FIG4: variants seen among roughly 807,000 people sequenced by gnomAD.
FIG4 encodes polyphosphoinositide phosphatase.
FIG4 carries 112 observed loss-of-function variants against 118.6 expected under a neutral mutation model. The observed-to-expected ratio is 0.94, with a 90% CI of 0.81 to 1.11. The LOEUF is 1.11. Ranked by LOEUF, FIG4 falls within the 50% of genes least tolerant of loss-of-function variation. FIG4 has a pLI of 0.00. For missense variants in FIG4, 969 were observed against 1,111.7 expected, an observed-to-expected ratio of 0.87 and a Z score of 1.83; for synonymous variants, 369 against 381.2, an observed-to-expected ratio of 0.97 and a Z score of 0.37.
chr6:109,806,373 C>G (rs1457784547), intron 22 of FIG4, among the ~76,000 whole-genome samples: 1 of 152,088 alleles, frequency 6.6e-6, no homozygotes, highest in Non-Finnish European at 1.5e-5. Context: ...TCCCAAAGCC[C>G]CTCTATAATG....
chr6:109,731,066 G>A (rs944358162), intron 4 of FIG4, among the ~76,000 whole-genome samples: 11 of 152,138 alleles, frequency 7.2e-5, no homozygotes, highest in African/African-American at 2.7e-4. Flanking sequence ...AAAAGGAACA[G>A]GCAGCTCACA....
rs781309177 is a variant in FIG4 at position 109,727,277 on chromosome 6, G to T, written c.446+12G>T. ...CCTGATGAAGCTAGGTATGTATGGT[G>T]GTAACTACCTTTTTTTTTTTGGAGA... On this transcript the variant is annotated intron_variant, in intron 4 of 22. Transcript: ENST00000230124. 1 of 1,554,234 alleles carries T rather than the reference G, an allele frequency of 6.4e-7. No individual in the cohort carries two copies. Among genetic ancestry groups the T allele is most frequent in the South Asian group, 1.1e-5 (1 of 89,300 alleles).
At chr6:109,700,375 C>T (rs983221831) in intron 1 of FIG4, among the ~76,000 whole-genome samples, 1 of 151,754 alleles carries the variant, frequency 6.6e-6, no homozygotes, top group Non-Finnish European at 1.5e-5. Flanking sequence ...AATAAAACAC[C>T]CAATAAAAAG....
chr6:109,774,122 A>G (rs548296637), intron 15 of FIG4, among the ~76,000 whole-genome samples: 83 of 152,264 alleles, frequency 5.5e-4, no homozygotes, highest in African/African-American at 2.0e-3. Flanking sequence ...ATTTTTTTCA[A>G]CTACTAAAGT....
Position 109,789,644 on chromosome 6 carries a change from G to A in FIG4, c.2147G>A (p.Arg716His), listed in dbSNP as rs758496638. ...ATTGATCCAAGTCCATTTACTGTGCGTAAACCAGATGAAACTGGAAAATCA... is the reference window on the plus strand; with the variant it reads ...ATTGATCCAAGTCCATTTACTGTGCATAAACCAGATGAAACTGGAAAATCA... ...VGIDPSPFTV[R>H]KPDETGKSVL... Residue 716 changes from arginine (R) to histidine (H), a missense_variant, in exon 19 of 23, where the codon CGT (arginine) becomes CAT (histidine). Around this residue, in one of 3 missense-constraint regions of FIG4, gnomAD observed 330 missense variants for 348.1 expected, o/e 0.95. Coordinates refer to ENST00000230124, the MANE Select transcript of FIG4 (RefSeq NM_014845.6). The A allele has an allele frequency of 2.2e-5, 36 of 1,613,392 alleles. No homozygotes were observed. In the South Asian group the frequency reaches 2.3e-4, roughly 10 times the overall value.
chr6:109,767,820 C>T (rs965432235), intron 15 of FIG4, among the ~76,000 whole-genome samples: 4 of 151,910 alleles, frequency 2.6e-5, no homozygotes, highest in South Asian at 4.2e-4. Context: ...TGCAGCGAGC[C>T]GAGATCGCGC....
intron 22 of FIG4, among the ~76,000 whole-genome samples, chr6:109,813,220 A>G (rs950146962): frequency 2.0e-4 from 30 of 152,124 alleles, no homozygotes; most frequent in African/African-American, 6.5e-4. Flanking sequence ...CCCACTGCCA[A>G]TCATTTGAGA....
chr6:109,693,864 AT>A (rs747897411), intron 1 of FIG4, among the ~76,000 whole-genome samples: 2,240 of 146,294 alleles, frequency 0.015, 50 homozygotes, highest in African/African-American at 0.05. Flanking sequence ...TTGTTAAATA[AT>A]TTTTTTTTTT....
chr6:109,735,200 G>A lies in FIG4; in HGVS notation c.548G>A (p.Arg183Gln), dbSNP rs781588508. 3.0e-5 allele frequency: 49 copies of A among 1,612,594 alleles called. No individual in the cohort carries two copies. The highest frequency in any genetic ancestry group is 5.5e-5 in the South Asian group (5 of 91,056). ...HSLQYNLTVL[R>Q]MPLEMLKSEM... Reference sequence around the variant, plus strand: ...CTTCAATATAATCTCACTGTCTTGCGAATGCCCCTGGAGATGTTAAAGTCA... The same window carrying A: ...CTTCAATATAATCTCACTGTCTTGCAAATGCCCCTGGAGATGTTAAAGTCA... The change falls in exon 6 of 23, where the codon CGA becomes CAA. Residue 183 changes from arginine to glutamine, a missense_variant. By Grantham distance (43) the Arg-to-Gln change is conservative. Coordinates refer to ENST00000230124, the MANE Select transcript of FIG4 (RefSeq NM_014845.6).
intron 15 of FIG4, among the ~76,000 whole-genome samples, chr6:109,770,325 A>T (rs539200291): frequency 7.9e-5 from 12 of 152,184 alleles, no homozygotes; most frequent in African/African-American, 2.7e-4. Flanking sequence ...ACAGCAGTTA[A>T]TAATAGATCT....
At chr6:109,712,610 A>G (rs773992760) in intron 1 of FIG4, among the ~76,000 whole-genome samples, 1 of 152,188 alleles carries the variant, frequency 6.6e-6, no homozygotes, top group Non-Finnish European at 1.5e-5. Context: ...AATGTTCTCT[A>G]TGCTGGCTAT....
At chr6:109,705,045 G>T (rs903904986) in intron 1 of FIG4, among the ~76,000 whole-genome samples, 2 of 152,112 alleles carry the variant, frequency 1.3e-5, no homozygotes, top group African/African-American at 4.8e-5. Flanking sequence ...TCTAGATGAA[G>T]GGTATATGGG....
intron 9 of FIG4, 161 bp from the exon 10 acceptor site, chr6:109,743,514 A>C: frequency 1.5e-6 from 1 of 689,344 alleles, no homozygotes. Context: ...TAATAAATAC[A>C]TGATGAATAA....
chr6:109,781,971 C>T (rs1445981469), intron 16 of FIG4, among the ~76,000 whole-genome samples: 2 of 151,922 alleles, frequency 1.3e-5, no homozygotes, highest in Non-Finnish European at 2.9e-5. Context: ...GCCCATATTT[C>T]TCTGTCTTGT....
intron 22 of FIG4, among the ~76,000 whole-genome samples, chr6:109,798,103 CTTAA>C (rs918729976): frequency 6.6e-6 from 1 of 152,102 alleles, no homozygotes; most frequent in Non-Finnish European, 1.5e-5. Context: ...TCTGCAGGTT[CTTAA>C]TTGATGGCTC....
chr6:109,741,572 A>T, intron 8 of FIG4, 28 bp downstream of exon 8: 1 of 1,282,658 alleles, frequency 7.8e-7, no homozygotes, highest in Non-Finnish European at 1.1e-6. Flanking sequence ...ATCTTCACTG[A>T]CCTTTTAACC....
At chr6:109,778,139 AG>A (rs1320207253) in intron 16 of FIG4, among the ~76,000 whole-genome samples, 2 of 152,060 alleles carry the variant, frequency 1.3e-5, no homozygotes, top group African/African-American at 4.8e-5. Context: ...TTACAGCATC[AG>A]TTTGATAGAG....
At chr6:109,795,640 C>T (rs1583747519) in intron 21 of FIG4, among the ~76,000 whole-genome samples, 1 of 105,904 alleles carries the variant, frequency 9.4e-6, no homozygotes, top group East Asian at 3.1e-4. Flanking sequence ...CTCTCTCTGT[C>T]ACCCAGGCTG....
At chr6:109,743,439 T>C (rs781020232) in intron 9 of FIG4, 167 bp downstream of exon 9, 33 of 696,626 alleles carry the variant, frequency 4.7e-5, no homozygotes, top group Non-Finnish European at 7.0e-5. Context: ...TAAATTTATG[T>C]TTAATTTTGA....
Sources: allele counts gnomAD v4.1 joint callset (sites outside exome capture counted in the v4.1 genomes callset), GRCh38; gene constraint gnomAD v4.1.1; regional missense constraint gnomAD v4.1.1; transcripts MANE v1.5; gene names NCBI Gene and HGNC (gene_info 2026-07-23, HGNC 2026-07-21).